Variants in TEX11 observed in about 807,000 individuals in gnomAD.
TEX11 encodes testis-expressed protein 11.
Under a neutral mutation model 84.4 loss-of-function variants are expected in TEX11, and 7 were observed. The ratio of observed to expected loss-of-function variants is 0.08; its 90% CI spans 0.05 to 0.16. The LOEUF (loss-of-function observed/expected upper bound fraction) is 0.16, where lower values mean the gene tolerates loss of function less well. Among genes scored for constraint, TEX11 ranks in the 10% least tolerant of loss-of-function variants. TEX11 has a pLI of 1.00. For synonymous variants in TEX11, 264 were observed against 222.8 expected (o/e 1.18, Z -1.64); for missense variants, 551 against 660.5 (o/e 0.83, Z 1.82).
At chrX:70,886,062 G>A (rs1183392517) in intron 2 of TEX11, among the ~76,000 whole-genome samples, 1 of 110,726 alleles carries the variant, frequency 9.0e-6, no homozygotes, top group Non-Finnish European at 1.9e-5. Context: ...AATACAACTC[G>A]CATATGATAC....
At chrX:70,747,723 T>C (rs2090778131) in intron 9 of TEX11, among the ~76,000 whole-genome samples, 1 of 111,459 alleles carries the variant, frequency 9.0e-6, no homozygotes. Flanking sequence ...ATATGGAGAA[T>C]ATGAGTGTAT....
chrX:70,717,357 C>T (rs1222115245), intron 13 of TEX11, among the ~76,000 whole-genome samples: 8 of 105,845 alleles, frequency 7.6e-5, no homozygotes, highest in East Asian at 2.9e-4. Flanking sequence ...CTTGCTCTGT[C>T]GCCCAGGCTG....
At chrX:70,563,766 A>G in intron 25 of TEX11, among the ~76,000 whole-genome samples, 1 of 112,679 alleles carries the variant, frequency 8.9e-6, no homozygotes, top group East Asian at 2.8e-4. Context: ...CTTTTTCTGC[A>G]TCTATTGAGA....
intron 7 of TEX11, among the ~76,000 whole-genome samples, chrX:70,841,025 A>T (rs2091440192): frequency 9.0e-6 from 1 of 111,100 alleles, no homozygotes; most frequent in African/African-American, 3.3e-5. Context: ...CCACACAATA[A>T]TAATGGGAGA....
At chrX:70,717,761 C>T (rs770100569) in intron 13 of TEX11, among the ~76,000 whole-genome samples, 64 of 111,543 alleles carry the variant, frequency 5.7e-4, no homozygotes, top group Non-Finnish European at 1.1e-3. Context: ...CAACTTCCTA[C>T]ACTGTCTACA....
intron 16 of TEX11, among the ~76,000 whole-genome samples, chrX:70,668,705 G>C (rs1336346175): frequency 8.9e-6 from 1 of 111,864 alleles, no homozygotes. Context: ...GCTATACTAG[G>C]CTCTAGGACC....
intron 4 of TEX11, among the ~76,000 whole-genome samples, chrX:70,871,816 C>G (rs757893395): frequency 9.4e-6 from 1 of 106,794 alleles, no homozygotes; most frequent in East Asian, 3.0e-4. Flanking sequence ...TTGCCTTTCT[C>G]CTCTTCTTGC....
intron 25 of TEX11, among the ~76,000 whole-genome samples, chrX:70,566,686 G>T (rs2088485599): frequency 9.0e-6 from 1 of 111,465 alleles, no homozygotes; most frequent in Admixed American, 9.6e-5. Context: ...CTTTGGTTCT[G>T]TTTATATGCT....
chrX:70,782,666 A>C (rs1023620098), intron 9 of TEX11, among the ~76,000 whole-genome samples: 13 of 100,939 alleles, frequency 1.3e-4, no homozygotes, highest in Admixed American at 1.1e-4. Flanking sequence ...AAAAAAAAAA[A>C]CAGGGGTTGC....
chrX:70,845,687 G>T (rs1364254452), intron 7 of TEX11, among the ~76,000 whole-genome samples: 7 of 110,194 alleles, frequency 6.4e-5, no homozygotes, highest in African/African-American at 2.0e-4. Flanking sequence ...AATTAGCCAG[G>T]CATGGTGATG....
rs762928899 is a variant in TEX11 at position 70,758,963 on chromosome X, C to G, written c.693-14744G>C. On this transcript the variant is annotated intron_variant, in intron 9 of 29. Coordinates refer to ENST00000374333, the MANE Select transcript of TEX11 (RefSeq NM_031276.3). ...ACCACTGATCCCACAGAAATACAAA[C>G]TACCATCAGAGAATACTATAAACAC... is the stretch of plus-strand genomic sequence containing the variant. Among the ~76,000 whole-genome samples the G allele has an allele frequency of 3.6e-4, 40 of 111,989 alleles. 1 individual carries two copies. In the South Asian group the frequency reaches 0.014, roughly 40 times the overall value.
At chrX:70,875,035 G>A (rs2091648720) in intron 3 of TEX11, among the ~76,000 whole-genome samples, 2 of 109,355 alleles carry the variant, frequency 1.8e-5, no homozygotes, top group Non-Finnish European at 3.8e-5. Flanking sequence ...AATTAGTCGT[G>A]CGTGGTGGCA....
intron 16 of TEX11, among the ~76,000 whole-genome samples, chrX:70,658,710 A>G (rs1471531574): frequency 9.0e-6 from 1 of 111,658 alleles, no homozygotes; most frequent in African/African-American, 3.3e-5. Flanking sequence ...GATTCAATGT[A>G]ATCCCTATGA....
At chrX:70,727,943 T>G (rs775354636) in intron 11 of TEX11, among the ~76,000 whole-genome samples, 146 of 112,559 alleles carry the variant, frequency 1.3e-3, no homozygotes, top group Non-Finnish European at 2.0e-3. Flanking sequence ...TATTTAGTTA[T>G]AACAGCTCAA....
At chrX:70,750,035 C>T (rs1199443656) in intron 9 of TEX11, among the ~76,000 whole-genome samples, 1 of 110,575 alleles carries the variant, frequency 9.0e-6, no homozygotes, top group Non-Finnish European at 1.9e-5. Context: ...TGACAAAGGG[C>T]TAATATCCAG....
intron 17 of TEX11, among the ~76,000 whole-genome samples, chrX:70,634,532 G>A (rs189946141): frequency 9.0e-6 from 1 of 111,079 alleles, no homozygotes; most frequent in African/African-American, 3.3e-5. Flanking sequence ...TAGCTACACT[G>A]ATAAAGACAG....
chrX:70,680,295 C>T, intron 14 of TEX11, among the ~76,000 whole-genome samples: 1 of 96,562 alleles, frequency 1.0e-5, no homozygotes, highest in Non-Finnish European at 2.1e-5. Flanking sequence ...CAACCCTGTG[C>T]TATCTGAAAC....
At chrX:70,754,651 C>T (rs1423134593) in intron 9 of TEX11, among the ~76,000 whole-genome samples, 1 of 110,871 alleles carries the variant, frequency 9.0e-6, no homozygotes, top group African/African-American at 3.3e-5. Context: ...GGGTGAGACC[C>T]AGTGCTGTGC....
At chrX:70,687,738 TG>T (rs1391850524) in intron 13 of TEX11, among the ~76,000 whole-genome samples, 1 of 111,123 alleles carries the variant, frequency 9.0e-6, no homozygotes, top group Non-Finnish European at 1.9e-5. Context: ...CCCAGCTATT[TG>T]GCAGGCTGAA....
Sources: gnomAD v4.1 joint callset for allele counts (sites outside exome capture counted in the v4.1 genomes callset) on GRCh38, gnomAD v4.1.1 for gene constraint, MANE v1.5 for transcripts, NCBI Gene and HGNC (gene_info 2026-07-23, HGNC 2026-07-21) for gene names.